Variants in SEMA6A observed in about 807,000 individuals in gnomAD.
SEMA6A encodes semaphorin-6A.
A neutral mutation model predicts 96.8 loss-of-function variants in SEMA6A; 25 were observed. The observed-to-expected ratio is 0.26, with a 90% CI of 0.19 to 0.36. SEMA6A has a LOEUF of 0.36. Ranked by LOEUF, SEMA6A falls within the 10% of genes least tolerant of loss-of-function variation. The pLI, the probability that SEMA6A is intolerant of heterozygous loss-of-function variation, is 1.00. For synonymous variants in SEMA6A, 612 were observed against 518.0 expected (o/e 1.18, Z -2.46); for missense variants, 1,363 against 1,323.1 (o/e 1.03, Z -0.47).
chr5:116,486,912 T>G lies in SEMA6A; in HGVS notation c.799A>C (p.Arg267=). The G allele has an allele frequency of 6.2e-7, 1 of 1,613,848 alleles. No homozygotes were observed. Among genetic ancestry groups the G allele is most frequent in the Non-Finnish European group, 8.5e-7 (1 of 1,179,786 alleles). Residue 267 remains arginine (R), a synonymous_variant, in exon 10 of 19, where the codon AGA becomes CGA. Transcript: ENST00000343348. ...VCKNDMGGSQ[R]VLEKQWTSFL... ...GACGTCCACTGTTTCTCCAGGACTCTTTGAGATCCTCCCATATCATTCTTA... is the reference window on the plus strand; with the variant it reads ...GACGTCCACTGTTTCTCCAGGACTCGTTGAGATCCTCCCATATCATTCTTA...
At chr5:116,531,619 G>A (rs975010519) in intron 1 of SEMA6A, among the ~76,000 whole-genome samples, 1 of 152,160 alleles carries the variant, frequency 6.6e-6, no homozygotes, top group African/African-American at 2.4e-5. Flanking sequence ...GGGGGTTCTT[G>A]TTGAATTATT....
intron 1 of SEMA6A, among the ~76,000 whole-genome samples, chr5:116,531,616 C>G (rs1382641753): frequency 6.6e-6 from 1 of 152,168 alleles, no homozygotes; most frequent in Non-Finnish European, 1.5e-5. Flanking sequence ...GAAGGGGGTT[C>G]TTGTTGAATT....
rs1015462445 is a variant in SEMA6A, at chr5:116,487,026, T to A, written c.745-60A>T. 4 of 1,220,766 alleles carry A rather than the reference T, an allele frequency of 3.3e-6. No homozygotes were observed. In the Admixed American group the frequency reaches 6.9e-5, roughly 21 times the overall value. 75.6% of individuals were successfully genotyped at this position (1,220,766 alleles called of 1,614,324 possible). On this transcript the variant is annotated intron_variant, in intron 9 of 18. Transcript: ENST00000343348. ...CATTCATTTTGCAAGGAGATCTTAG[T>A]AGAATCTGCATTCCTTGAAAACAGA...
intron 1 of SEMA6A, among the ~76,000 whole-genome samples, chr5:116,547,302 T>C (rs1053468830): frequency 6.6e-6 from 1 of 152,226 alleles, no homozygotes; most frequent in East Asian, 1.9e-4. Context: ...GCTTTGATCC[T>C]TCCAAGTCAT....
At chr5:116,476,543 C>G (rs1756458736) in intron 15 of SEMA6A, among the ~76,000 whole-genome samples, 1 of 152,192 alleles carries the variant, frequency 6.6e-6, no homozygotes, top group African/African-American at 2.4e-5. Flanking sequence ...TCATCATGCC[C>G]TGGAGCCCAC....
intron 1 of SEMA6A, among the ~76,000 whole-genome samples, chr5:116,528,609 C>T (rs1015836667): frequency 5.9e-5 from 9 of 152,222 alleles, no homozygotes; most frequent in African/African-American, 2.2e-4. Context: ...TGCATCCTAT[C>T]TTCCTGTCTG....
chr5:116,551,734 T>C (rs902161366), intron 1 of SEMA6A, among the ~76,000 whole-genome samples: 11 of 152,184 alleles, frequency 7.2e-5, no homozygotes, highest in Non-Finnish European at 1.5e-4. Flanking sequence ...TTTGACCTGA[T>C]TGTTAAGTTC....
chr5:116,516,027 C>G (rs1215654423), intron 1 of SEMA6A, among the ~76,000 whole-genome samples: 2 of 152,114 alleles, frequency 1.3e-5, no homozygotes, highest in Non-Finnish European at 2.9e-5. Flanking sequence ...AAAACATTTC[C>G]TTGAACTAAA....
At chr5:116,527,085 G>A (rs1759261158) in intron 1 of SEMA6A, among the ~76,000 whole-genome samples, 1 of 152,128 alleles carries the variant, frequency 6.6e-6, no homozygotes. Flanking sequence ...TAAGAACTGA[G>A]AAAGATATAG....
At chr5:116,527,575 G>A (rs1759284440) in intron 1 of SEMA6A, among the ~76,000 whole-genome samples, 1 of 152,216 alleles carries the variant, frequency 6.6e-6, no homozygotes, top group Non-Finnish European at 1.5e-5. Flanking sequence ...CTTCCTAAGA[G>A]CTGATGTCCT....
At chr5:116,548,240 G>A (rs536966953) in intron 1 of SEMA6A, among the ~76,000 whole-genome samples, 2 of 152,064 alleles carry the variant, frequency 1.3e-5, no homozygotes, top group African/African-American at 4.8e-5. Context: ...TCCAGGGAAG[G>A]CTATCACACT....
chr5:116,474,245 GCTAA>G lies in SEMA6A; in HGVS notation c.1709-1156_1709-1153del, dbSNP rs1223185264. Among the ~76,000 whole-genome samples, 7 of 150,974 alleles carry G rather than the reference GCTAA, an allele frequency of 4.6e-5. No homozygotes were observed. In the South Asian group the frequency reaches 6.3e-4, roughly 14 times the overall value. ...TGATGAAAATAGCTCATTAACATCA[GCTAA>G]CTAAGCTGTTAATAAAGCGTGCACG... On this transcript the variant is annotated intron_variant, in intron 16 of 18. Transcript: ENST00000343348.
chr5:116,563,757 TCTC>T (rs1760913876), intron 1 of SEMA6A, among the ~76,000 whole-genome samples: 2 of 152,236 alleles, frequency 1.3e-5, no homozygotes, highest in Non-Finnish European at 2.9e-5. Context: ...CTCCCACTGT[TCTC>T]CTCCATTCCA....
intron 1 of SEMA6A, among the ~76,000 whole-genome samples, chr5:116,517,106 G>GT (rs1758706403): frequency 6.6e-6 from 1 of 152,142 alleles, no homozygotes; most frequent in Non-Finnish European, 1.5e-5. Context: ...AAACCAAAAT[G>GT]TTTTTTCTAC....
At chr5:116,538,157 G>C (rs563915717) in intron 1 of SEMA6A, among the ~76,000 whole-genome samples, 34 of 152,200 alleles carry the variant, frequency 2.2e-4, no homozygotes, top group Admixed American at 4.6e-4. Flanking sequence ...CCTGGCTACA[G>C]AGCAAGACTC....
rs1754108557 is a variant in SEMA6A at position 116,445,202 on chromosome 5, A to G, written c.*1411T>C. 6.6e-6 allele frequency: 1 copy of G among 152,620 alleles called. No individual in the cohort carries two copies. The highest frequency in any genetic ancestry group is 2.1e-4 in the South Asian group (1 of 4,826). 9.5% of individuals were successfully genotyped at this position (152,620 alleles called of 1,614,324 possible). ...TCTTTCAGAGGGCTGGAAGTGGGGC[A>G]GAGGGTGGGGAAGGGAGGGTTAAAT... On this transcript the variant is annotated 3_prime_UTR_variant, in exon 19 of 19. Transcript: ENST00000343348.
At chr5:116,568,821 T>TGTACAC (rs1001366673) in intron 1 of SEMA6A, among the ~76,000 whole-genome samples, 27 of 150,750 alleles carry the variant, frequency 1.8e-4, no homozygotes, top group African/African-American at 6.6e-4. Flanking sequence ...TGGAAGATTG[T>TGTACAC]ACACACACAC....
chr5:116,467,794 C>G (rs1261448707), intron 17 of SEMA6A, 47 bp from the exon 18 acceptor site: 1 of 1,601,794 alleles, frequency 6.2e-7, no homozygotes, highest in Admixed American at 1.7e-5. Context: ...CAGAGAGACC[C>G]ACATTCCCTT....
rs943326365 is a variant in SEMA6A, at chr5:116,445,637, A to T, written c.*976T>A. 3 of 152,504 alleles carry T rather than the reference A, an allele frequency of 2.0e-5. No homozygotes were observed. The highest frequency in any genetic ancestry group is 4.4e-5 in the Non-Finnish European group (3 of 68,036). 9.4% of individuals were successfully genotyped at this position (152,504 alleles called of 1,614,324 possible). The stretch of plus-strand genomic sequence containing the variant: ...TTTTTTGCATGTTTATAGGCCAGAG[A>T]CCTGACCAGGCAATGAACTGATAGA... On this transcript the variant is annotated 3_prime_UTR_variant, in exon 19 of 19. Coordinates refer to ENST00000343348, the MANE Select transcript of SEMA6A (RefSeq NM_020796.5).
Sources: allele counts gnomAD v4.1 joint callset (sites outside exome capture counted in the v4.1 genomes callset), GRCh38; gene constraint gnomAD v4.1.1; transcripts MANE v1.5; gene names NCBI Gene and HGNC (gene_info 2026-07-23, HGNC 2026-07-21).